Variants in ARHGEF3 observed in about 807,000 individuals in gnomAD.
The protein encoded by ARHGEF3 is Rho guanine nucleotide exchange factor 3, also known as 59.8 kDA protein.
In ARHGEF3, 28 loss-of-function variants were observed where a neutral mutation model predicts 63.2. The ratio of observed to expected loss-of-function variants is 0.44; its 90% confidence interval spans 0.33 to 0.61. The LOEUF (loss-of-function observed/expected upper bound fraction) is 0.61, where lower values mean the gene tolerates loss of function less well. Among genes scored for constraint, ARHGEF3 ranks in the 20% least tolerant of loss-of-function variants. The pLI, the probability that ARHGEF3 is intolerant of heterozygous loss-of-function variation, is 0.03. For synonymous variants in ARHGEF3, 266 were observed against 254.2 expected (o/e 1.05, Z -0.44); for missense variants, 533 against 659.3 (o/e 0.81, Z 2.10).
intron 3 of ARHGEF3, among the ~76,000 whole-genome samples, chr3:56,884,598 C>A (rs956000249): frequency 6.6e-6 from 1 of 152,180 alleles, no homozygotes; most frequent in Non-Finnish European, 1.5e-5. Context: ...GGGAGGGTGC[C>A]CAGGAATCTG....
At chr3:56,812,170 T>C (rs1023975021) in intron 4 of ARHGEF3, among the ~76,000 whole-genome samples, 10 of 152,222 alleles carry the variant, frequency 6.6e-5, no homozygotes, top group African/African-American at 2.4e-4. Context: ...GAGAAGATTT[T>C]TGCAAGGAGG....
chr3:56,758,175 G>T (rs1371999230), intron 2 of ARHGEF3, among the ~76,000 whole-genome samples: 1 of 151,682 alleles, frequency 6.6e-6, no homozygotes, highest in Non-Finnish European at 1.5e-5. Context: ...CAGCTACTTG[G>T]GAAGCTGAGG....
chr3:56,978,496 TAAAC>T (rs1329137608), intron 2 of ARHGEF3, among the ~76,000 whole-genome samples: 2 of 151,132 alleles, frequency 1.3e-5, no homozygotes, highest in Non-Finnish European at 2.9e-5. Flanking sequence ...AATCAATCAA[TAAAC>T]AAACAAAAAG....
At chr3:56,915,390 C>T (rs1189964383) in intron 3 of ARHGEF3, among the ~76,000 whole-genome samples, 2 of 152,180 alleles carry the variant, frequency 1.3e-5, no homozygotes, top group East Asian at 1.9e-4. Context: ...TGCTTGAGCC[C>T]GGGCGGTCAA....
chr3:56,944,154 C>G (rs917346430), intron 3 of ARHGEF3, among the ~76,000 whole-genome samples: 1 of 152,142 alleles, frequency 6.6e-6, no homozygotes, highest in African/African-American at 2.4e-5. Context: ...GCATGGATGA[C>G]AGAGCGAGAT....
At chr3:56,901,419 C>T (rs368299074) in intron 3 of ARHGEF3, among the ~76,000 whole-genome samples, 11 of 137,280 alleles carry the variant, frequency 8.0e-5, no homozygotes, top group African/African-American at 2.3e-4. Flanking sequence ...AGTATGTATA[C>T]GTATATGTAC....
chr3:56,985,009 A>G (rs1701478499), intron 2 of ARHGEF3, among the ~76,000 whole-genome samples: 1 of 152,238 alleles, frequency 6.6e-6, no homozygotes, highest in Non-Finnish European at 1.5e-5. Context: ...AAAAGATGGT[A>G]GTTTTTTCAC....
intron 1 of ARHGEF3, chr3:57,074,974 C>A (rs1004333853): frequency 1.2e-5 from 2 of 167,292 alleles, no homozygotes; most frequent in Admixed American, 1.3e-4. Context: ...GTTCTGCCTA[C>A]ATTGTCTCAT....
chr3:56,908,549 T>C (rs1310145996), intron 3 of ARHGEF3, among the ~76,000 whole-genome samples: 1 of 152,248 alleles, frequency 6.6e-6, no homozygotes, highest in African/African-American at 2.4e-5. Context: ...CTCTCATCCA[T>C]GTCTTTGGCT....
chr3:56,734,726 C>A (rs2033480069), intron 8 of ARHGEF3, among the ~76,000 whole-genome samples: 1 of 151,996 alleles, frequency 6.6e-6, no homozygotes, highest in Admixed American at 6.6e-5. Flanking sequence ...ACCTCCCAAA[C>A]ACACACAAAC....
chr3:57,028,718 A>AT (rs200312941), intron 2 of ARHGEF3, among the ~76,000 whole-genome samples: 1,839 of 143,838 alleles, frequency 0.013, 46 homozygotes, highest in African/African-American at 0.045. Context: ...AAATAAATAA[A>AT]AAAAAAAGAA....
intron 2 of ARHGEF3, among the ~76,000 whole-genome samples, chr3:56,987,958 G>C (rs1311109172): frequency 6.6e-6 from 1 of 152,162 alleles, no homozygotes. Context: ...GAGCATAAAT[G>C]GGACTCCACA....
In ARHGEF3 at chr3:56,916,346, C is replaced by T. The variant is rs970394183; in HGVS notation, c.130-33992G>A. The T allele has an allele frequency of 9.8e-6, 15 of 1,535,210 alleles. No homozygotes were observed. In the African/African-American group the frequency reaches 1.2e-4, roughly 13 times the overall value. On this transcript the variant is annotated intron_variant, in intron 3 of 12. Coordinates refer to the ARHGEF3 transcript ENST00000338458. ...AAAGAGGCAGCACCACACCATGGGG[C>T]GCTCTGACCTCATCCACCCGGACTC...
intron 2 of ARHGEF3, among the ~76,000 whole-genome samples, chr3:56,764,360 G>T (rs1392754744): frequency 6.6e-6 from 1 of 152,154 alleles, no homozygotes; most frequent in Non-Finnish European, 1.5e-5. Flanking sequence ...AAATGGAAAT[G>T]ATGACTCTCC....
intron 4 of ARHGEF3, among the ~76,000 whole-genome samples, chr3:56,820,355 A>C (rs1006661308): frequency 6.6e-6 from 1 of 152,192 alleles, no homozygotes; most frequent in Non-Finnish European, 1.5e-5. Context: ...GTTTACAGAA[A>C]ACGGGGATAG....
At chr3:56,838,413 CT>C (rs1359816088) in intron 4 of ARHGEF3, among the ~76,000 whole-genome samples, 2 of 152,178 alleles carry the variant, frequency 1.3e-5, no homozygotes, top group Non-Finnish European at 2.9e-5. Context: ...TATTATTTCA[CT>C]TTTCATTGGT....
At chr3:56,790,501 C>T (rs2037024242) in intron 1 of ARHGEF3, among the ~76,000 whole-genome samples, 2 of 152,154 alleles carry the variant, frequency 1.3e-5, no homozygotes, top group Non-Finnish European at 2.9e-5. Flanking sequence ...ACCAGGATGG[C>T]TGAGAAAATG....
intron 3 of ARHGEF3, among the ~76,000 whole-genome samples, chr3:56,913,659 T>C (rs780838642): frequency 2.0e-5 from 3 of 152,178 alleles, no homozygotes; most frequent in Non-Finnish European, 4.4e-5. Flanking sequence ...CTTCTGGGTA[T>C]ATACTCAAAA....
chr3:56,936,312 C>T (rs1698901221), intron 3 of ARHGEF3, among the ~76,000 whole-genome samples: 1 of 152,224 alleles, frequency 6.6e-6, no homozygotes, highest in South Asian at 2.1e-4. Flanking sequence ...ATGAAACTGA[C>T]CCACAAAGAG....
Sources: gnomAD v4.1 joint callset for allele counts (sites outside exome capture counted in the v4.1 genomes callset) on GRCh38, gnomAD v4.1.1 for gene constraint, MANE v1.5 for transcripts, NCBI Gene and HGNC (gene_info 2026-07-23, HGNC 2026-07-21) for gene names.